The following ANTXR1 variants were observed in gnomAD, a reference collection of about 807,000 sequenced individuals.
ANTXR1 encodes anthrax toxin receptor 1.
ANTXR1 carries 19 observed loss-of-function variants against 78.1 expected under a neutral mutation model. That is an observed-to-expected ratio of 0.24 (90% CI 0.17 to 0.36). The LOEUF is 0.36. ANTXR1 is among the 10% of genes least tolerant of loss of function. The pLI is 1.00. For missense variants in ANTXR1, 518 were observed against 718.6 expected, an observed-to-expected ratio of 0.72 and a Z score of 3.19; for synonymous variants, 273 against 260.5, an observed-to-expected ratio of 1.05 and a Z score of -0.46.
chr2:69,181,909 T>C (rs750067264), intron 15 of ANTXR1, 28 bp downstream of exon 15: 1 of 1,608,214 alleles, frequency 6.2e-7, no homozygotes, highest in Non-Finnish European at 8.5e-7. Flanking sequence ...TATACACTTA[T>C]CTATGTGCTG....
chr2:69,092,579 C>A (rs555300880), intron 9 of ANTXR1, among the ~76,000 whole-genome samples: 27 of 152,356 alleles, frequency 1.8e-4, no homozygotes, highest in African/African-American at 6.0e-4. Flanking sequence ...AGATTACCTA[C>A]TGACCTTTAA....
chr2:69,168,683 T>C (rs1673896817), intron 13 of ANTXR1, among the ~76,000 whole-genome samples: 1 of 152,156 alleles, frequency 6.6e-6, no homozygotes. Flanking sequence ...TTTCCTGCTG[T>C]AAAGTAATTT....
intron 17 of ANTXR1, among the ~76,000 whole-genome samples, chr2:69,242,754 A>C (rs61484880): frequency 0.09 from 13,661 of 152,274 alleles, 2,058 homozygotes; most frequent in African/African-American, 0.31. Flanking sequence ...AATTGTCGTC[A>C]TGGGAATTCA....
chr2:69,145,252 G>T, intron 12 of ANTXR1: 3 of 1,468,794 alleles, frequency 2.0e-6, no homozygotes, highest in Non-Finnish European at 2.8e-6. Flanking sequence ...ATGGGTCCCT[G>T]CTAGGCCCTT....
At position 69,202,412 on chromosome 2, in the gene ANTXR1, A is replaced by G. The variant is rs77355494; in HGVS notation, c.1434+8997A>G. Among the ~76,000 whole-genome samples the G allele has an allele frequency of 9.7e-3, 1,476 of 152,250 alleles. 36 individuals carry two copies. The East Asian group carries it at 0.097, about 10-fold the overall frequency. ...TTAGTGACCCGAGCTCTGTGGGATG[A>G]TGGGGTTGGGAGCAAAGCTTAACAA... is the stretch of plus-strand genomic sequence containing the variant. On this transcript the variant is annotated intron_variant, in intron 17 of 17. Transcript: ENST00000303714.
At chr2:69,082,844 A>G (rs1011681491) in intron 8 of ANTXR1, among the ~76,000 whole-genome samples, 8 of 152,232 alleles carry the variant, frequency 5.3e-5, no homozygotes, top group African/African-American at 1.9e-4. Flanking sequence ...AGCCGACATC[A>G]GGCTTCCTGT....
At chr2:69,172,778 C>A (rs994165405) in intron 14 of ANTXR1, among the ~76,000 whole-genome samples, 1 of 152,296 alleles carries the variant, frequency 6.6e-6, no homozygotes, top group Middle Eastern at 3.4e-3. Flanking sequence ...ATGTAACCAA[C>A]GGTGACACAC....
intron 17 of ANTXR1, among the ~76,000 whole-genome samples, chr2:69,219,622 T>A (rs762898656): frequency 6.6e-5 from 10 of 152,244 alleles, no homozygotes; most frequent in Admixed American, 5.2e-4. Flanking sequence ...ATTTTCTTTG[T>A]GTATCACAAA....
intron 16 of ANTXR1, among the ~76,000 whole-genome samples, chr2:69,190,311 G>A (rs907094924): frequency 6.6e-6 from 1 of 152,204 alleles, no homozygotes; most frequent in African/African-American, 2.4e-5. Context: ...AGTGATTGGG[G>A]CAGAAGGAAT....
chr2:69,050,513 C>T (rs1440267656), intron 3 of ANTXR1, among the ~76,000 whole-genome samples: 1 of 151,514 alleles, frequency 6.6e-6, no homozygotes, highest in Non-Finnish European at 1.5e-5. Context: ...ATTACATGAG[C>T]TTGGAAAAAT....
intron 17 of ANTXR1, among the ~76,000 whole-genome samples, chr2:69,201,579 G>T (rs1674773277): frequency 6.6e-6 from 1 of 152,226 alleles, no homozygotes; most frequent in Non-Finnish European, 1.5e-5. Context: ...GGACATAGCG[G>T]CAGTGAGAGA....
At chr2:69,194,482 G>A (rs1181790544) in intron 17 of ANTXR1, among the ~76,000 whole-genome samples, 2 of 152,168 alleles carry the variant, frequency 1.3e-5, no homozygotes, top group Non-Finnish European at 2.9e-5. Flanking sequence ...AAAGTAGATG[G>A]CACGGACTTC....
intron 10 of ANTXR1, among the ~76,000 whole-genome samples, chr2:69,121,261 ACACT>A (rs772553315): frequency 8.1e-4 from 124 of 152,336 alleles, no homozygotes; most frequent in Non-Finnish European, 1.5e-3. Flanking sequence ...CACATGGTAC[ACACT>A]CAAAGAATTT....
chr2:69,218,555 C>T (rs1034206581), intron 17 of ANTXR1, among the ~76,000 whole-genome samples: 1 of 152,126 alleles, frequency 6.6e-6, no homozygotes, highest in Non-Finnish European at 1.5e-5. Flanking sequence ...AGGTTAAGAG[C>T]AGAGAGCTGC....
intron 1 of ANTXR1, among the ~76,000 whole-genome samples, chr2:69,029,524 A>T (rs1168219088): frequency 6.6e-6 from 1 of 151,738 alleles, no homozygotes; most frequent in East Asian, 1.9e-4. Flanking sequence ...ATAATTTCTT[A>T]AAATATAAGA....
chr2:69,175,913 T>C (rs1017099395), intron 14 of ANTXR1, among the ~76,000 whole-genome samples: 23 of 152,008 alleles, frequency 1.5e-4, no homozygotes. Context: ...CTATGGAAAA[T>C]TATACAGGGC....
At chr2:69,210,092 G>A (rs1482083396) in intron 17 of ANTXR1, among the ~76,000 whole-genome samples, 1 of 152,170 alleles carries the variant, frequency 6.6e-6, no homozygotes, top group South Asian at 2.1e-4. Flanking sequence ...GAAGTGGATG[G>A]AGTCTGAAGT....
chr2:69,207,568 A>G (rs1674936965), intron 17 of ANTXR1, among the ~76,000 whole-genome samples: 1 of 152,222 alleles, frequency 6.6e-6, no homozygotes, highest in South Asian at 2.1e-4. Context: ...ACAGGAACTT[A>G]AAATTTTAAG....
chr2:69,051,000 T>A (rs891241636), intron 3 of ANTXR1, among the ~76,000 whole-genome samples: 5 of 152,088 alleles, frequency 3.3e-5, no homozygotes, highest in Non-Finnish European at 7.4e-5. Flanking sequence ...AAATAAAAGA[T>A]AATTGCCCGG....
Sources: gnomAD v4.1 joint callset for allele counts (sites outside exome capture counted in the v4.1 genomes callset) on GRCh38, gnomAD v4.1.1 for gene constraint, MANE v1.5 for transcripts, NCBI Gene and HGNC (gene_info 2026-07-23, HGNC 2026-07-21) for gene names.